SPATA13: variants seen among roughly 807,000 people sequenced by gnomAD.
The protein encoded by SPATA13 is spermatogenesis-associated protein 13.
Under a neutral mutation model 104.0 loss-of-function variants are expected in SPATA13, and 50 were observed. The observed-to-expected ratio is 0.48, with a 90% confidence interval of 0.38 to 0.61. The LOEUF (loss-of-function observed/expected upper bound fraction) is 0.61. SPATA13 is among the 20% of genes least tolerant of loss of function. The pLI is 0.00. For synonymous variants in SPATA13, 606 were observed against 667.5 expected (o/e 0.91, Z 1.42); for missense variants, 1,524 against 1,690.6 (o/e 0.90, Z 1.73).
chr13:24,192,268 A>C (rs1429721098), intron 1 of SPATA13, among the ~76,000 whole-genome samples: 2 of 152,194 alleles, frequency 1.3e-5, no homozygotes, highest in Non-Finnish European at 2.9e-5. Flanking sequence ...GCATTTGGCT[A>C]TCTCAAAAGC....
intron 2 of SPATA13, among the ~76,000 whole-genome samples, chr13:24,225,734 T>G (rs552799813): frequency 3.3e-5 from 5 of 152,198 alleles, no homozygotes; most frequent in African/African-American, 1.2e-4. Flanking sequence ...AATCCCAAGG[T>G]TTGGGCCCCC....
chr13:24,099,610 C>T (rs1281655455), intron 3 of SPATA13, among the ~76,000 whole-genome samples: 1 of 152,222 alleles, frequency 6.6e-6, no homozygotes, highest in Non-Finnish European at 1.5e-5. Context: ...GGAGGGCCCA[C>T]AGCCCCCCGG....
chr13:24,278,775 A>C, intron 4 of SPATA13: 1 of 1,601,384 alleles, frequency 6.2e-7, no homozygotes, highest in East Asian at 2.2e-5. Context: ...TACTCAAAAA[A>C]GAAAAATATA....
At chr13:24,224,849 A>G in intron 2 of SPATA13, 1 of 527,830 alleles carries the variant, frequency 1.9e-6, no homozygotes, top group South Asian at 1.9e-5. Flanking sequence ...ATGTTTATTG[A>G]ACATGTACCA....
At chr13:24,122,632 T>G (rs1881071106) in intron 3 of SPATA13, 5 of 1,296,270 alleles carry the variant, frequency 3.9e-6, no homozygotes, top group Non-Finnish European at 5.6e-6. Context: ...AGAACCTTTT[T>G]GCACATACTG....
chr13:24,160,833 C>G lies in SPATA13; in HGVS notation c.-211C>G. On this transcript the variant is annotated 5_prime_UTR_variant, in exon 1 of 13. Transcript: ENST00000382108. ...TGGATCCCAGGCTCCTCCGAGAGTG[C>G]GGCGACCTCGGGGCTCCGCCGGCAC... 1.0e-6 allele frequency: 1 copy of G among 985,342 alleles called. No homozygotes were observed. Among genetic ancestry groups the G allele is most frequent in the Non-Finnish European group, 1.2e-6 (1 of 829,862 alleles). The allele number at this position is 985,342 out of a possible 1,614,324, so 61.0% of individuals were successfully genotyped here.
chr13:23,991,695 C>T (rs1370507127), intron 2 of SPATA13, among the ~76,000 whole-genome samples: 2 of 152,144 alleles, frequency 1.3e-5, no homozygotes, highest in African/African-American at 4.8e-5. Flanking sequence ...AGTAAATATA[C>T]TTCTCAGCCC....
chr13:24,255,210 C>T (rs1566175590), intron 4 of SPATA13, among the ~76,000 whole-genome samples: 1 of 152,154 alleles, frequency 6.6e-6, no homozygotes, highest in Non-Finnish European at 1.5e-5. Flanking sequence ...ACACAGTCAC[C>T]AGGCTGATGG....
intron 8 of SPATA13, among the ~76,000 whole-genome samples, chr13:24,289,705 A>G (rs556231732): frequency 6.6e-6 from 1 of 152,330 alleles, no homozygotes; most frequent in African/African-American, 2.4e-5. Context: ...TGGTTGTGAT[A>G]CTGTAACTGC....
intron 3 of SPATA13, among the ~76,000 whole-genome samples, chr13:24,103,503 C>A (rs11616414): frequency 0.4 from 38,458 of 97,292 alleles, 7,301 homozygotes; most frequent in Non-Finnish European, 0.46. Context: ...AAAAAAAAAA[C>A]AAGAAAGAAA....
chr13:23,985,064 G>A (rs1457948753), intron 2 of SPATA13, among the ~76,000 whole-genome samples: 3 of 152,194 alleles, frequency 2.0e-5, no homozygotes, highest in Non-Finnish European at 4.4e-5. Flanking sequence ...TTAAGGAACA[G>A]AATAACCAAA....
intron 3 of SPATA13, 158 bp from the exon 4 acceptor site, chr13:24,251,560 G>T: frequency 6.7e-7 from 1 of 1,482,096 alleles, no homozygotes. Flanking sequence ...ATCATGAGTT[G>T]CCACTGGGCT....
intron 4 of SPATA13, 79 bp downstream of exon 4, chr13:24,251,941 T>TAG: frequency 1.3e-6 from 2 of 1,521,800 alleles, no homozygotes; most frequent in Non-Finnish European, 1.8e-6. Context: ...GGCAGCAGGT[T>TAG]CTGCACCTTC....
intron 1 of SPATA13, among the ~76,000 whole-genome samples, chr13:24,194,016 A>G (rs909512926): frequency 1.3e-5 from 2 of 152,206 alleles, no homozygotes; most frequent in Non-Finnish European, 2.9e-5. Flanking sequence ...TACCTTCTCA[A>G]CCATTCAAGT....
At chr13:24,263,952 T>C (rs1264205239) in intron 4 of SPATA13, among the ~76,000 whole-genome samples, 1 of 152,234 alleles carries the variant, frequency 6.6e-6, no homozygotes, top group Non-Finnish European at 1.5e-5. Flanking sequence ...GGCTTCTGTG[T>C]GCAGAACAAG....
intron 1 of SPATA13, 30 bp downstream of exon 1, chr13:24,160,962 C>G: frequency 1.3e-5 from 13 of 982,192 alleles, no homozygotes; most frequent in Non-Finnish European, 1.6e-5. Context: ...GCGGCTCTGC[C>G]GGGCGGGCGC....
intron 3 of SPATA13, among the ~76,000 whole-genome samples, chr13:24,141,582 A>C (rs1247781093): frequency 1.3e-5 from 2 of 152,208 alleles, no homozygotes; most frequent in East Asian, 3.9e-4. Context: ...TATCCAGATA[A>C]CAATCACTAG....
chr13:24,188,289 G>T (rs1869287088), intron 1 of SPATA13, among the ~76,000 whole-genome samples: 1 of 151,834 alleles, frequency 6.6e-6, no homozygotes, highest in Non-Finnish European at 1.5e-5. Context: ...TCGAGATCAT[G>T]TCACTGCACT....
chr13:24,285,178 GA>G (rs946859694), intron 5 of SPATA13, among the ~76,000 whole-genome samples: 12 of 152,200 alleles, frequency 7.9e-5, no homozygotes, highest in African/African-American at 2.2e-4. Context: ...GTGGCCAGGG[GA>G]TGGAGGAGCC....
Sources: gnomAD v4.1 joint callset for allele counts (sites outside exome capture counted in the v4.1 genomes callset) on GRCh38, gnomAD v4.1.1 for gene constraint, MANE v1.5 for transcripts, NCBI Gene and HGNC (gene_info 2026-07-23, HGNC 2026-07-21) for gene names.